CSMD1: variants seen among roughly 807,000 people sequenced by gnomAD.
The protein encoded by CSMD1 is CUB and Sushi multiple domains 1, also known as CUB and sushi domain-containing protein 1.
In CSMD1, 213 loss-of-function variants were observed where a neutral mutation model predicts 417.5. The ratio of observed to expected loss-of-function variants is 0.51; its 90% CI spans 0.46 to 0.57. The LOEUF is 0.57. Among genes scored for constraint, CSMD1 ranks in the 20% least tolerant of loss-of-function variants. The pLI is 0.00. For synonymous variants in CSMD1, 2,862 were observed against 1,736.8 expected (o/e 1.65, Z -16.11); for missense variants, 6,923 against 4,529.7 (o/e 1.53, Z -15.17).
chr8:3,705,379 C>G (rs1020190698), intron 7 of CSMD1, among the ~76,000 whole-genome samples: 4 of 152,168 alleles, frequency 2.6e-5, no homozygotes, highest in African/African-American at 9.7e-5. Flanking sequence ...TTCCCACGGG[C>G]AGAATACAGG....
chr8:3,754,580 G>T (rs905058734), intron 5 of CSMD1, among the ~76,000 whole-genome samples: 1 of 152,052 alleles, frequency 6.6e-6, no homozygotes, highest in Non-Finnish European at 1.5e-5. Context: ...ACAGCCTCCT[G>T]AGTAGCTGGG....
chr8:3,921,086 G>T (rs112748913), intron 5 of CSMD1, among the ~76,000 whole-genome samples: 1,720 of 152,138 alleles, frequency 0.011, 21 homozygotes, highest in African/African-American at 0.037. Context: ...TAGTAGTGAA[G>T]GTATCTATTT....
intron 10 of CSMD1, among the ~76,000 whole-genome samples, chr8:3,552,272 T>C (rs1798949771): frequency 6.6e-6 from 1 of 152,052 alleles, no homozygotes; most frequent in African/African-American, 2.4e-5. Flanking sequence ...AAAGCTTGAA[T>C]ACTAATCTAA....
chr8:3,347,189 A>G (rs1370594641), intron 22 of CSMD1, among the ~76,000 whole-genome samples: 1 of 152,258 alleles, frequency 6.6e-6, no homozygotes, highest in Non-Finnish European at 1.5e-5. Flanking sequence ...CGGGTTGGAC[A>G]AGATAGTATT....
chr8:4,446,162 C>T (rs998812711), intron 2 of CSMD1, among the ~76,000 whole-genome samples: 1 of 152,196 alleles, frequency 6.6e-6, no homozygotes, highest in Non-Finnish European at 1.5e-5. Context: ...GAAACCCATA[C>T]TTCATAAATG....
At chr8:4,620,986 G>T (rs1028565290) in intron 2 of CSMD1, among the ~76,000 whole-genome samples, 10 of 151,978 alleles carry the variant, frequency 6.6e-5, no homozygotes, top group Admixed American at 2.6e-4. Context: ...TGGCTAGAAA[G>T]ATTTTAAAAG....
intron 3 of CSMD1, among the ~76,000 whole-genome samples, chr8:4,348,130 A>C (rs2128899073): frequency 6.6e-6 from 1 of 152,336 alleles, no homozygotes; most frequent in African/African-American, 2.4e-5. Flanking sequence ...AGAAGTATTA[A>C]AGAGAGAAGA....
intron 2 of CSMD1, among the ~76,000 whole-genome samples, chr8:4,635,320 C>A (rs1472704356): frequency 6.6e-6 from 1 of 152,106 alleles, no homozygotes; most frequent in Non-Finnish European, 1.5e-5. Context: ...ATTGTTCTAA[C>A]TTAATATTTC....
intron 49 of CSMD1, among the ~76,000 whole-genome samples, chr8:3,073,361 T>A (rs1813438691): frequency 6.6e-6 from 1 of 151,996 alleles, no homozygotes; most frequent in African/African-American, 2.4e-5. Flanking sequence ...ATAATGAAAA[T>A]AATTACCCAG....
chr8:4,153,371 C>G (rs1482088457), intron 3 of CSMD1, among the ~76,000 whole-genome samples: 2 of 152,210 alleles, frequency 1.3e-5, no homozygotes, highest in African/African-American at 4.8e-5. Flanking sequence ...ATTCTGGAAG[C>G]AACAGTGTAA....
At chr8:4,381,756 GTTTTGT>G (rs1270461888) in intron 3 of CSMD1, among the ~76,000 whole-genome samples, 3 of 152,032 alleles carry the variant, frequency 2.0e-5, no homozygotes, top group South Asian at 2.1e-4. Context: ...ATGTTTTTTT[GTTTTGT>G]TTTTGTTTTT....
chr8:3,984,807 C>G (rs1814196133), intron 5 of CSMD1, among the ~76,000 whole-genome samples: 1 of 145,314 alleles, frequency 6.9e-6, no homozygotes, highest in Admixed American at 7.0e-5. Flanking sequence ...AGATCACACA[C>G]ACAAAAAACT....
chr8:3,101,986 G>C (rs150184307), intron 46 of CSMD1, among the ~76,000 whole-genome samples: 15 of 151,928 alleles, frequency 9.9e-5, no homozygotes, highest in South Asian at 2.1e-4. Flanking sequence ...ATTTTTAGTA[G>C]AGACAGCGTT....
chr8:3,606,706 C>T (rs951964501), intron 8 of CSMD1, among the ~76,000 whole-genome samples: 23 of 117,030 alleles, frequency 2.0e-4, no homozygotes, highest in African/African-American at 7.0e-4. Context: ...AATTTTACTT[C>T]GTTACAATTT....
At chr8:4,556,562 C>G (rs79482698) in intron 2 of CSMD1, among the ~76,000 whole-genome samples, 23,945 of 152,078 alleles carry the variant, frequency 0.16, 2,061 homozygotes, top group East Asian at 0.23. Context: ...GAAAATAATA[C>G]CTACTTGTCT....
chr8:4,405,396 G>T (rs187850641), intron 3 of CSMD1, among the ~76,000 whole-genome samples: 1 of 151,664 alleles, frequency 6.6e-6, no homozygotes, highest in Admixed American at 6.6e-5. Context: ...TGTTACCTGC[G>T]TGAACATAAG....
chr8:4,842,315 A>G (rs1800891669), intron 1 of CSMD1, among the ~76,000 whole-genome samples: 1 of 152,232 alleles, frequency 6.6e-6, no homozygotes, highest in Non-Finnish European at 1.5e-5. Flanking sequence ...AAAATTATTT[A>G]CCAGAATTCT....
In CSMD1 at chr8:3,409,564, A is replaced by G. The variant is rs772574919; in HGVS notation, c.1603T>C (p.Tyr535His). The change falls in exon 13 of 70, where the codon TAT (tyrosine) becomes CAT (histidine). Residue 535 changes from tyrosine (Y) to histidine (H), a missense_variant. Physicochemically the swap from Tyr to His is moderately conservative, Grantham distance 83. Transcript: ENST00000635120. ...AAACTGCTGCCCGTCCGCTTCCCAT[A>G]GGCGGGGATTCCAGGATCCCCACAC... is the stretch of plus-strand genomic sequence containing the variant. ...GGCGDPGIPA[Y>H]GKRTGSSFLH... is the part of the protein sequence containing the mutation. 1.9e-6 allele frequency: 3 copies of G among 1,609,608 alleles called. No individual in the cohort carries two copies. The highest frequency in any genetic ancestry group is 2.5e-6 in the Non-Finnish European group (3 of 1,177,768).
intron 68 of CSMD1, among the ~76,000 whole-genome samples, chr8:2,942,947 AGAGG>A (rs1308402544): frequency 6.6e-6 from 1 of 152,164 alleles, no homozygotes; most frequent in Non-Finnish European, 1.5e-5. Context: ...TTCTATATTC[AGAGG>A]TCAATAATAT....
Sources: allele counts gnomAD v4.1 joint callset (sites outside exome capture counted in the v4.1 genomes callset), GRCh38; gene constraint gnomAD v4.1.1; transcripts MANE v1.5; gene names NCBI Gene and HGNC (gene_info 2026-07-23, HGNC 2026-07-21).